The following SAP130 variants were observed in gnomAD, a reference collection of about 807,000 sequenced individuals.
The protein encoded by SAP130 is Sin3A associated protein 130, also known as histone deacetylase complex subunit SAP130.
SAP130 carries 16 observed loss-of-function variants against 103.2 expected under a neutral mutation model. That is an observed-to-expected ratio of 0.16 (90% CI 0.10 to 0.24). The LOEUF (loss-of-function observed/expected upper bound fraction) is 0.24. SAP130 is among the 10% of genes least tolerant of loss of function. The pLI, the probability that SAP130 is intolerant of heterozygous loss-of-function variation, is 1.00. For missense variants in SAP130, 990 were observed against 1,359.7 expected (o/e 0.73, Z 4.28); for synonymous variants, 477 against 497.0 (o/e 0.96, Z 0.53).
intron 7 of SAP130, among the ~76,000 whole-genome samples, chr2:128,003,957 CTTTTTTTTTT>C (rs61211577): frequency 0.053 from 3,620 of 67,758 alleles, 55 homozygotes; most frequent in African/African-American, 0.16. Context: ...CACAGATCAG[CTTTTTTTTTT>C]TTTTTTTTTT....
chr2:127,981,071 T>G (rs1032091025), intron 14 of SAP130, among the ~76,000 whole-genome samples: 18 of 151,872 alleles, frequency 1.2e-4, no homozygotes, highest in Non-Finnish European at 2.4e-4. Context: ...ACCAGACCAT[T>G]TCCTTCCCCT....
Position 128,002,741 on chromosome 2 carries a change from A to AAAAC in SAP130, c.870-2291_870-2288dup, listed in dbSNP as rs377495334. Reference sequence around the variant, plus strand: ...ATTTGAAAACTAAAACAAAAAACAAAAAACAAACAAAAAAAACAGGAGAAA... The same window carrying AAAAC: ...ATTTGAAAACTAAAACAAAAAACAAAAAACAAACAAACAAAAAAAACAGGAGAAA... On this transcript the variant is annotated intron_variant, in intron 7 of 20. Coordinates refer to ENST00000643581, the MANE Select transcript of SAP130 (RefSeq NM_001330301.2). 3.3e-4 allele frequency among the ~76,000 whole-genome samples: 50 copies of AAAAC among 152,266 alleles called. 1 individual carries two copies. The South Asian group carries it at 6.2e-3, about 19-fold the overall frequency.
At position 128,010,350 on chromosome 2, in the gene SAP130, A is replaced by C. The variant is rs769256292; in HGVS notation, c.788T>G (p.Val263Gly). The C allele has an allele frequency of 1.7e-5, 28 of 1,614,122 alleles. No individual in the cohort carries two copies. The highest frequency in any genetic ancestry group is 8.3e-5 in the Admixed American group (5 of 60,014). ...TCTGGTGGCTGAGACAGTTGCTACCACAGCAGGAGGGATGGCATTGGAGGT... is the reference window on the plus strand; with the variant it reads ...TCTGGTGGCTGAGACAGTTGCTACCCCAGCAGGAGGGATGGCATTGGAGGT... Reference protein sequence around the residue: ...VTTSNAIPPAVVATVSATRAQ... With the variant: ...VTTSNAIPPAGVATVSATRAQ... The change falls in exon 7 of 21, where the codon GTG (valine) becomes GGG (glycine). Residue 263 changes from valine to glycine, a missense_variant. By Grantham distance (109) the Val-to-Gly change is moderately radical. Around this residue, in one of 6 missense-constraint regions of SAP130, gnomAD observed 336 missense variants for 520.1 expected, o/e 0.65. Coordinates refer to ENST00000643581, the MANE Select transcript of SAP130 (RefSeq NM_001330301.2).
In SAP130 at chr2:127,989,014, A is replaced by G. The variant is rs1436702943; in HGVS notation, c.1780+550T>C. 6.6e-6 allele frequency among the ~76,000 whole-genome samples: 1 copy of G among 152,112 alleles called. No homozygotes were observed. The highest frequency in any genetic ancestry group is 6.6e-5 in the Admixed American group (1 of 15,254). On this transcript the variant is annotated intron_variant, in intron 13 of 20. Transcript: ENST00000643581. This position sits in a 1 kb window ranked among gnomAD's most constrained non-coding sequence, Gnocchi z 4.6. ...AATGAGAATACTACTTATAAGGTGA[A>G]TTTTTTCCCACAACTAGGAGCTTTT... is the stretch of plus-strand genomic sequence containing the variant.
intron 7 of SAP130, among the ~76,000 whole-genome samples, chr2:128,000,813 G>T (rs899628815): frequency 2.6e-5 from 4 of 152,148 alleles, no homozygotes; most frequent in African/African-American, 9.7e-5. Flanking sequence ...AAGGCTGAAG[G>T]ATAGCTTGTG....
At chr2:127,999,891 C>A (rs376833813) in intron 9 of SAP130, 46 bp from the exon 10 acceptor site, 13 of 1,442,736 alleles carry the variant, frequency 9.0e-6, no homozygotes, top group Non-Finnish European at 1.1e-5. Context: ...AACTTCTCTG[C>A]ACACGTTACA....
intron 15 of SAP130, among the ~76,000 whole-genome samples, chr2:127,962,938 T>A (rs1467387815): frequency 2.0e-5 from 3 of 149,842 alleles, no homozygotes; most frequent in Non-Finnish European, 4.4e-5. Context: ...AAACTAGAAA[T>A]AATCACATAA....
In SAP130 at chr2:127,950,212, C is replaced by T; in HGVS notation, c.2619G>A (p.Lys873=). ...GCTTCTCAGCCTTCACCAGAAGACT[C>T]TTGGCAGTGGACTTCTCATCATCAG... ...NSTDDEKSTA[K]SLLVKAEKRK... The change falls in exon 17 of 21, where the codon AAG becomes AAA. Residue 873 remains lysine (K), a synonymous_variant. Transcript: ENST00000643581. 6.2e-7 allele frequency: 1 copy of T among 1,614,222 alleles called. No homozygotes were observed.
chr2:127,947,640 T>C (rs750924038), intron 18 of SAP130, among the ~76,000 whole-genome samples: 5 of 152,224 alleles, frequency 3.3e-5, no homozygotes, highest in South Asian at 2.1e-4. Context: ...GTATGTAATA[T>C]CCCTCTGTGT....
intron 2 of SAP130, 25 bp from the exon 3 acceptor site, chr2:128,017,940 C>A: frequency 6.4e-7 from 1 of 1,560,842 alleles, no homozygotes; most frequent in Non-Finnish European, 8.8e-7. Context: ...AAGAGTGAGA[C>A]AGTATGTCAC....
intron 12 of SAP130, 150 bp downstream of exon 12, chr2:127,993,037 T>G: frequency 9.8e-7 from 1 of 1,017,072 alleles, no homozygotes; most frequent in South Asian, 1.5e-5. Context: ...AGATGATTAT[T>G]TAAGACCTTC....
chr2:128,018,135 T>C (rs1684903396), intron 2 of SAP130, among the ~76,000 whole-genome samples: 2 of 152,182 alleles, frequency 1.3e-5, no homozygotes, highest in Admixed American at 1.3e-4. Context: ...CTGGATATTG[T>C]AGCCTTATGA....
rs1573656413 is a variant in SAP130, at chr2:127,959,372, C to A, written c.2064-4028G>T. Among the ~76,000 whole-genome samples the A allele has an allele frequency of 3.3e-5, 5 of 152,346 alleles. No homozygotes were observed. The South Asian group carries it at 1.0e-3, about 32-fold the overall frequency. Reference sequence around the variant, plus strand: ...TCCTGTAGACAATAATTGCTATACTCCAGTGAAACGTCACAGAAACAACTG... The same window carrying A: ...TCCTGTAGACAATAATTGCTATACTACAGTGAAACGTCACAGAAACAACTG... On this transcript the variant is annotated intron_variant, in intron 15 of 20. Transcript: ENST00000643581.
At chr2:127,967,320 A>C (rs1680725180) in intron 15 of SAP130, among the ~76,000 whole-genome samples, 1 of 152,248 alleles carries the variant, frequency 6.6e-6, no homozygotes, top group Non-Finnish European at 1.5e-5. Flanking sequence ...ACATCAAAGA[A>C]TAGTGCCCCA....
At position 127,942,413 on chromosome 2, in the gene SAP130, C is replaced by T. The variant is rs144984234; in HGVS notation, c.3015+11G>A. 18 of 1,564,818 alleles carry T rather than the reference C, an allele frequency of 1.2e-5. No homozygotes were observed. Among genetic ancestry groups the T allele is most frequent in the African/African-American group, 6.8e-5 (5 of 74,052 alleles). On this transcript the variant is annotated intron_variant, in intron 20 of 20. Transcript: ENST00000643581. The surrounding 1 kb of genome is among the most constrained non-coding windows in gnomAD (Gnocchi z 4.8). ...AAGTAGATGATCAGAAGGGAAGGGG[C>T]GCACTCAAACCTGTATCAGTTCGTT...
chr2:127,963,800 T>C (rs1419357852), intron 15 of SAP130, among the ~76,000 whole-genome samples: 1 of 152,208 alleles, frequency 6.6e-6, no homozygotes, highest in African/African-American at 2.4e-5. Flanking sequence ...CCTGCCACCA[T>C]CCACGTAAGA....
At position 128,000,075 on chromosome 2, in the gene SAP130, A is replaced by G. The variant is rs1395508696; in HGVS notation, c.1089T>C (p.Ile363=). ...TVAPILATNT[I]PSATTAGSVS... Reference sequence around the variant, plus strand: ...ACTTACCAGCTGTGGTCGCTGAAGGAATGGTGTTGGTTGCCAAAATAGGTG... The same window carrying G: ...ACTTACCAGCTGTGGTCGCTGAAGGGATGGTGTTGGTTGCCAAAATAGGTG... The change falls in exon 9 of 21, where the codon ATT becomes ATC. Residue 363 remains isoleucine, a synonymous_variant. Transcript: ENST00000643581. 2.5e-6 allele frequency: 4 copies of G among 1,614,086 alleles called. No individual in the cohort carries two copies. Among genetic ancestry groups the G allele is most frequent in the Non-Finnish European group, 2.5e-6 (3 of 1,179,992 alleles).
At chr2:127,944,678 G>A (rs1297291634) in intron 19 of SAP130, among the ~76,000 whole-genome samples, 2 of 152,072 alleles carry the variant, frequency 1.3e-5, no homozygotes, top group South Asian at 2.1e-4. Flanking sequence ...TGTCCACCTC[G>A]GCCTCCCAAA....
rs1043965578 is a variant in SAP130 at position 127,989,255 on chromosome 2, C to T, written c.1780+309G>A. On this transcript the variant is annotated intron_variant, in intron 13 of 20. Transcript: ENST00000643581. This position sits in a 1 kb window ranked among gnomAD's most constrained non-coding sequence, Gnocchi z 4.6. ...CTAGGACTACAGGCCCCCGCCACCA[C>T]GCCTGGCTAATTTTTTTGTATTTTT... 2.8e-4 allele frequency among the ~76,000 whole-genome samples: 43 copies of T among 152,030 alleles called. No individual in the cohort carries two copies. Among genetic ancestry groups the T allele is most frequent in the African/African-American group, 1.0e-3 (42 of 41,480 alleles).
Sources: gnomAD v4.1 joint callset for allele counts (sites outside exome capture counted in the v4.1 genomes callset) on GRCh38, gnomAD v4.1.1 for gene constraint, gnomAD v4.1.1 regional missense constraint, Gnocchi (gnomAD v3.1) non-coding constraint, MANE v1.5 for transcripts, NCBI Gene and HGNC (gene_info 2026-07-23, HGNC 2026-07-21) for gene names.